TRIM66: variants seen among roughly 807,000 people sequenced by gnomAD.
TRIM66 encodes tripartite motif-containing protein 66.
Under a neutral mutation model 148.2 loss-of-function variants are expected in TRIM66, and 99 were observed. The observed-to-expected ratio is 0.67, with a 90% CI of 0.57 to 0.79. TRIM66 has a LOEUF of 0.79. Ranked by LOEUF, TRIM66 falls within the 30% of genes least tolerant of loss-of-function variation. The pLI, the probability that TRIM66 is intolerant of heterozygous loss-of-function variation, is 0.00. For missense variants in TRIM66, 1,666 were observed against 1,697.9 expected (o/e 0.98, Z 0.33); for synonymous variants, 616 against 635.9 (o/e 0.97, Z 0.47).
intron 2 of TRIM66, 41 bp from the exon 3 acceptor site, chr11:8,679,855 G>C (rs1275716322): frequency 6.6e-6 from 1 of 152,474 alleles, no homozygotes; most frequent in African/African-American, 2.4e-5. Context: ...GGTAAAAGCA[G>C]GGGATCTGGA....
chr11:8,622,205 C>A (rs2034295188), intron 18 of TRIM66, among the ~76,000 whole-genome samples: 1 of 150,898 alleles, frequency 6.6e-6, no homozygotes, highest in Non-Finnish European at 1.5e-5. Flanking sequence ...CAGACTGGGT[C>A]TCCTTGCTCC....
intron 3 of TRIM66, among the ~76,000 whole-genome samples, chr11:8,677,738 A>G (rs2039243968): frequency 6.6e-6 from 1 of 152,224 alleles, no homozygotes. Context: ...GCTATTGTAT[A>G]AGCTGTTCTC....
chr11:8,621,167 T>G lies in TRIM66; in HGVS notation c.3410A>C (p.Lys1137Thr). 1.3e-6 allele frequency: 2 copies of G among 1,551,680 alleles called. No individual in the cohort carries two copies. The highest frequency in any genetic ancestry group is 8.7e-7 in the Non-Finnish European group (1 of 1,146,958). Residue 1137 changes from lysine to threonine, a missense_variant, in exon 20 of 25, where the codon AAG (lysine) becomes ACG (threonine). Coordinates refer to ENST00000646038, the MANE Select transcript of TRIM66 (RefSeq NM_001388022.1). ...RLIPRTPGAK[K>T]GPPAPIENED... ...ATTCTCTATTGGGGCTGGGGGGCCC[T>G]TCTTGGCTCCTGGGGTTCGAGGAAT...
chr11:8,642,913 C>A, intron 13 of TRIM66, 96 bp downstream of exon 13: 2 of 409,460 alleles, frequency 4.9e-6, no homozygotes, highest in Non-Finnish European at 3.9e-6. Context: ...CCAGAGAGTG[C>A]TTTCTCTTGG....
At chr11:8,634,323 G>A (rs1337326620) in intron 15 of TRIM66, among the ~76,000 whole-genome samples, 3 of 152,068 alleles carry the variant, frequency 2.0e-5, no homozygotes, top group Admixed American at 6.6e-5. Context: ...GCACCACCAC[G>A]CCTGGCTAAT....
intron 6 of TRIM66, among the ~76,000 whole-genome samples, chr11:8,653,146 G>A (rs1271529328): frequency 6.6e-6 from 1 of 152,138 alleles, no homozygotes; most frequent in East Asian, 1.9e-4. Flanking sequence ...AGTTTGAGTG[G>A]TAGATTCAAA....
chr11:8,655,178 G>A (rs113960211), intron 6 of TRIM66, among the ~76,000 whole-genome samples: 3,075 of 152,188 alleles, frequency 0.02, 116 homozygotes, highest in African/African-American at 0.072. Flanking sequence ...CATTTTTCGG[G>A]AGTTTGTGTG....
chr11:8,650,404 G>GGAA (rs919674577), intron 7 of TRIM66, among the ~76,000 whole-genome samples: 1 of 151,004 alleles, frequency 6.6e-6, no homozygotes, highest in African/African-American at 2.4e-5. Flanking sequence ...CAAAGGAGAA[G>GGAA]GAAGAAGAAG....
chr11:8,625,302 C>T (rs1359934162), intron 15 of TRIM66, 74 bp from the exon 16 acceptor site: 5 of 1,429,184 alleles, frequency 3.5e-6, no homozygotes, highest in Middle Eastern at 5.1e-4. Flanking sequence ...GGGACCCAAC[C>T]CACAGGAACT....
chr11:8,643,145 G>T lies in TRIM66; in HGVS notation c.1105-19C>A. On this transcript the variant is annotated intron_variant, in intron 12 of 24. Coordinates refer to ENST00000646038, the MANE Select transcript of TRIM66 (RefSeq NM_001388022.1). ...ACACAATCTGACAACAGCACCAAAG[G>T]TCATTTATTTGGGCATCTTGCACCT... 6.5e-7 allele frequency: 1 copy of T among 1,545,000 alleles called. No individual in the cohort carries two copies. The highest frequency in any genetic ancestry group is 8.8e-7 in the Non-Finnish European group (1 of 1,142,646).
rs2036789230 is a variant in TRIM66, at chr11:8,645,752, TGAAAA to T, written c.1088_1092del (p.Leu363GlnfsTer18). 6.4e-7 allele frequency: 1 copy of T among 1,551,678 alleles called. No homozygotes were observed. The highest frequency in any genetic ancestry group is 8.7e-7 in the Non-Finnish European group (1 of 1,146,908). ...GAGATTCCTCTTACCAGCTCTTTGCTGAAAAGAAAAGGGACACTGGTTTTGCTGCA... is the reference window on the plus strand; with the variant it reads ...GAGATTCCTCTTACCAGCTCTTTGCTGAAAAGGGACACTGGTTTTGCTGCA... On this transcript the variant is annotated frameshift_variant, in exon 12 of 25. Transcript: ENST00000646038. LOFTEE classifies it high-confidence loss of function.
intron 6 of TRIM66, among the ~76,000 whole-genome samples, chr11:8,663,937 G>C (rs1164776684): frequency 6.6e-6 from 1 of 152,156 alleles, no homozygotes; most frequent in Admixed American, 6.5e-5. Flanking sequence ...TCATAAAAGC[G>C]GAGAGTAAAA....
intron 9 of TRIM66, 101 bp downstream of exon 9, chr11:8,648,315 G>C (rs1351736325): frequency 1.3e-6 from 2 of 1,488,020 alleles, no homozygotes; most frequent in Non-Finnish European, 9.0e-7. Context: ...AGGTTGGCTT[G>C]GGCAGGGAGA....
rs150269400 is a variant in TRIM66 at position 8,622,339 on chromosome 11, AACAC to A, written c.3080+473_3080+476del. On this transcript the variant is annotated intron_variant, in intron 18 of 24. Transcript: ENST00000646038. Reference sequence around the variant, plus strand: ...TATATATGGAAGTACACACACACACAACACACACACACACACACACACACACATA... The same window carrying A: ...TATATATGGAAGTACACACACACACAACACACACACACACACACACACATA... Among the ~76,000 whole-genome samples the A allele has an allele frequency of 1.2e-3, 84 of 71,438 alleles. 7 individuals are homozygous for A. The highest frequency in any genetic ancestry group is 2.9e-3 in the African/African-American group (62 of 21,034). 46.9% of individuals were successfully genotyped at this position (71,438 alleles called of 152,430 possible).
At chr11:8,635,984 T>A (rs1246150763) in intron 15 of TRIM66, among the ~76,000 whole-genome samples, 1 of 152,182 alleles carries the variant, frequency 6.6e-6, no homozygotes, top group Non-Finnish European at 1.5e-5. Context: ...AAAAATTATA[T>A]CAATGAGCAA....
intron 8 of TRIM66, among the ~76,000 whole-genome samples, 193 bp from the exon 9 acceptor site, chr11:8,648,741 A>C (rs2037086234): frequency 6.6e-6 from 1 of 152,214 alleles, no homozygotes; most frequent in African/African-American, 2.4e-5. Context: ...GGATTTGCCC[A>C]GTTGTCCAGA....
intron 14 of TRIM66, among the ~76,000 whole-genome samples, chr11:8,639,635 A>G (rs1056912398): frequency 6.6e-6 from 1 of 152,220 alleles, no homozygotes; most frequent in Non-Finnish European, 1.5e-5. Flanking sequence ...TCCCACTTAT[A>G]TACCTATAAA....
intron 3 of TRIM66, among the ~76,000 whole-genome samples, chr11:8,678,409 G>A (rs570254577): frequency 3.3e-5 from 5 of 152,218 alleles, no homozygotes; most frequent in African/African-American, 1.2e-4. Context: ...AATACAAAAG[G>A]ATTTGTATAC....
chr11:8,632,216 G>A (rs2035469073), intron 15 of TRIM66, among the ~76,000 whole-genome samples: 1 of 151,918 alleles, frequency 6.6e-6, no homozygotes, highest in East Asian at 1.9e-4. Flanking sequence ...GCTGAGGCAG[G>A]AGAATTGCTT....
Sources: gnomAD v4.1 joint callset for allele counts (sites outside exome capture counted in the v4.1 genomes callset) on GRCh38, gnomAD v4.1.1 for gene constraint, MANE v1.5 for transcripts, NCBI Gene and HGNC (gene_info 2026-07-23, HGNC 2026-07-21) for gene names.